The following ARAP2 variants were observed in gnomAD, a reference collection of about 807,000 sequenced individuals.
ARAP2 encodes ArfGAP with RhoGAP domain, ankyrin repeat and PH domain 2.
In ARAP2, 148 loss-of-function variants were observed where a neutral mutation model predicts 194.5. That is an observed-to-expected ratio of 0.76 (90% CI 0.67 to 0.87). ARAP2 has a LOEUF of 0.87. Ranked by LOEUF, ARAP2 falls within the 40% of genes least tolerant of loss-of-function variation. The pLI is 0.00. For synonymous variants in ARAP2, 695 were observed against 683.5 expected, an observed-to-expected ratio of 1.02 and a Z score of -0.26; for missense variants, 2,128 against 1,989.7, an observed-to-expected ratio of 1.07 and a Z score of -1.32.
intron 5 of ARAP2, among the ~76,000 whole-genome samples, chr4:36,211,400 A>G (rs1341700629): frequency 6.6e-6 from 1 of 152,174 alleles, no homozygotes; most frequent in Non-Finnish European, 1.5e-5. Flanking sequence ...ATATTTCTAC[A>G]GATTCAAGGG....
At chr4:36,132,598 G>C (rs1302740453) in intron 20 of ARAP2, among the ~76,000 whole-genome samples, 6 of 151,638 alleles carry the variant, frequency 4.0e-5, no homozygotes, top group African/African-American at 9.7e-5. Context: ...GAAGAACAGA[G>C]GATATCTTTC....
intron 2 of ARAP2, among the ~76,000 whole-genome samples, chr4:36,053,620 T>C (rs1405738216): frequency 6.6e-6 from 1 of 152,224 alleles, no homozygotes; most frequent in African/African-American, 2.4e-5. Context: ...ATATCAACAA[T>C]GACACCTTTC....
Position 36,229,201 on chromosome 4 carries a change from G to T in ARAP2, c.286C>A (p.Pro96Thr), listed in dbSNP as rs774369117. The T allele has an allele frequency of 3.1e-6, 5 of 1,614,120 alleles. No homozygotes were observed. The highest frequency in any genetic ancestry group is 4.2e-6 in the Non-Finnish European group (5 of 1,180,002). Residue 96 changes from proline to threonine, a missense_variant, in exon 2 of 33, where the codon CCA becomes ACA. Coordinates refer to ENST00000303965, the MANE Select transcript of ARAP2 (RefSeq NM_015230.4). ...ATGCAGATATTCTGATCAGAAGATG[G>T]AACATGGTAATCCTTTGAAGGGTCA... ...NDDPSKDYHVPSSDQNICIEL... is the reference protein window; with the variant it reads ...NDDPSKDYHVTSSDQNICIEL...
At chr4:36,014,352 A>AAGAG (rs1715361366) in intron 8 of ARAP2, among the ~76,000 whole-genome samples, 1 of 139,910 alleles carries the variant, frequency 7.1e-6, no homozygotes, top group African/African-American at 3.2e-5. Context: ...GAAAGAAAGA[A>AAGAG]AGAAAGAAAG....
intron 26 of ARAP2, among the ~76,000 whole-genome samples, chr4:36,113,964 T>A (rs1414052854): frequency 1.3e-5 from 2 of 152,032 alleles, no homozygotes; most frequent in East Asian, 3.9e-4. Flanking sequence ...AGTCTTGCAC[T>A]GTATTTTTAT....
chr4:36,014,297 G>GA lies in ARAP2; in HGVS notation n.1056+1088dup, dbSNP rs869236110. On this transcript the variant is annotated intron_variant and non_coding_transcript_variant, in intron 8 of 12. Coordinates refer to the ARAP2 transcript ENST00000503225. The stretch of plus-strand genomic sequence containing the variant: ...AGAAAGAAAGAAAGAAAGAAAGAAA[G>GA]AAGAGAAGGAAGGAAAGAAAGAAAG... 8.8e-3 allele frequency among the ~76,000 whole-genome samples: 1,134 copies of GA among 129,512 alleles called. 14 individuals are homozygous for GA. The highest frequency in any genetic ancestry group is 0.016 in the Middle Eastern group (4 of 248). 85.0% of individuals were successfully genotyped at this position (129,512 alleles called of 152,430 possible).
chr4:36,231,229 G>C (rs534133777), intron 1 of ARAP2, among the ~76,000 whole-genome samples: 1 of 152,064 alleles, frequency 6.6e-6, no homozygotes, highest in Admixed American at 6.6e-5. Flanking sequence ...CCAGCTACTC[G>C]GGAGGCTGAG....
intron 6 of ARAP2, among the ~76,000 whole-genome samples, chr4:36,201,826 A>G (rs1435485056): frequency 1.3e-5 from 2 of 152,172 alleles, no homozygotes; most frequent in Non-Finnish European, 2.9e-5. Flanking sequence ...TTTAAGCTTA[A>G]AAAACAAATC....
At chr4:36,134,955 T>C (rs977098200) in intron 19 of ARAP2, among the ~76,000 whole-genome samples, 1 of 151,760 alleles carries the variant, frequency 6.6e-6, no homozygotes, top group Non-Finnish European at 1.5e-5. Context: ...TGTAGCTATC[T>C]GAATGTTTTA....
chr4:36,160,360 T>C, intron 13 of ARAP2, 99 bp downstream of exon 13: 1 of 1,277,894 alleles, frequency 7.8e-7, no homozygotes, highest in South Asian at 2.3e-5. Flanking sequence ...TTAATAATTT[T>C]GTCAGATAGT....
In ARAP2 at chr4:36,159,327, G is replaced by A. The variant is rs1282036707; in HGVS notation, c.2617+4C>T. 2.0e-5 allele frequency: 32 copies of A among 1,592,322 alleles called. No homozygotes were observed. Among genetic ancestry groups the A allele is most frequent in the South Asian group, 4.5e-5 (4 of 88,150 alleles). On this transcript the variant is annotated splice_donor_region_variant and intron_variant, in intron 14 of 32. Transcript: ENST00000303965. Reference sequence around the variant, plus strand: ...ACCAGGTTAATGAAGAGACAGTGACGAACCTGAGAATTTGTTATGGTAGAG... The same window carrying A: ...ACCAGGTTAATGAAGAGACAGTGACAAACCTGAGAATTTGTTATGGTAGAG...
Position 36,067,697 on chromosome 4 carries a change from C to A in ARAP2, c.*210G>T, listed in dbSNP as rs1725813511. On this transcript the variant is annotated 3_prime_UTR_variant, in exon 33 of 33. Coordinates refer to ENST00000303965, the MANE Select transcript of ARAP2 (RefSeq NM_015230.4). ...CACACGTTAATACAATGGAACTTTA[C>A]AAGGTTTGTTCAGACCAAAATAAAG... The A allele has an allele frequency of 6.2e-6, 3 of 482,388 alleles. No individual in the cohort carries two copies. The highest frequency in any genetic ancestry group is 7.1e-6 in the Non-Finnish European group (2 of 281,046). The allele number at this position is 482,388 out of a possible 1,614,324, so 29.9% of individuals were successfully genotyped here.
intron 27 of ARAP2, among the ~76,000 whole-genome samples, chr4:36,094,204 A>G (rs1468739246): frequency 2.6e-5 from 4 of 152,178 alleles, no homozygotes; most frequent in Admixed American, 2.6e-4. Context: ...GGTTGAAAAA[A>G]ATTTCTCAAA....
At chr4:36,219,029 C>T (rs13105104) in intron 2 of ARAP2, among the ~76,000 whole-genome samples, 133,109 of 152,210 alleles carry the variant, frequency 0.87, 58,495 homozygotes, top group South Asian at 0.95. Flanking sequence ...TAAACCACAA[C>T]AAAATAACAC....
chr4:36,193,452 A>C, intron 7 of ARAP2, 126 bp downstream of exon 7: 2 of 520,106 alleles, frequency 3.8e-6, no homozygotes, highest in Non-Finnish European at 6.8e-6. Flanking sequence ...TATATTTATT[A>C]GTTGCAACTT....
At chr4:36,121,726 A>C (rs1337171939) in intron 22 of ARAP2, among the ~76,000 whole-genome samples, 1 of 151,652 alleles carries the variant, frequency 6.6e-6, no homozygotes. Context: ...ACAGGCAAAA[A>C]AGGTAGGTCA....
intron 27 of ARAP2, among the ~76,000 whole-genome samples, chr4:36,099,500 A>C (rs1716275823): frequency 6.6e-6 from 1 of 152,104 alleles, no homozygotes; most frequent in Non-Finnish European, 1.5e-5. Flanking sequence ...GCTATAAAGG[A>C]AGAGAAAATT....
chr4:36,012,778 T>C (rs1714789215), exon 9 of ARAP2: 1 of 152,220 alleles, frequency 6.6e-6, no homozygotes, highest in African/African-American at 2.4e-5. Flanking sequence ...TTCATGTTAC[T>C]GATGGTCAGA....
intron 11 of ARAP2, among the ~76,000 whole-genome samples, chr4:36,162,018 G>C (rs34859776): frequency 6.6e-6 from 1 of 151,330 alleles, no homozygotes; most frequent in African/African-American, 2.4e-5. Context: ...TGAGGCAGGA[G>C]AATGGCGTGA....
Sources: allele counts gnomAD v4.1 joint callset (sites outside exome capture counted in the v4.1 genomes callset), GRCh38; gene constraint gnomAD v4.1.1; transcripts MANE v1.5; gene names NCBI Gene and HGNC (gene_info 2026-07-23, HGNC 2026-07-21).